Variants in MTMR1 observed in about 807,000 individuals in gnomAD.
MTMR1 encodes the protein phosphatidylinositol-3-phosphate phosphatase MTMR1.
MTMR1 carries 17 observed loss-of-function variants against 51.6 expected under a neutral mutation model. The observed-to-expected ratio is 0.33, with a 90% CI of 0.23 to 0.49. The LOEUF is 0.49. Ranked by LOEUF, MTMR1 falls within the 20% of genes least tolerant of loss-of-function variation. The pLI, the probability that MTMR1 is intolerant of heterozygous loss-of-function variation, is 0.99. For missense variants in MTMR1, 386 were observed against 526.9 expected (o/e 0.73, Z 2.62); for synonymous variants, 201 against 205.6 (o/e 0.98, Z 0.19).
chrX:150,701,172 C>T (rs900103036), intron 2 of MTMR1, among the ~76,000 whole-genome samples: 1 of 111,622 alleles, frequency 9.0e-6, no homozygotes, highest in Non-Finnish European at 1.9e-5. Context: ...AAATTTATAA[C>T]TCAGGGGTTG....
intron 2 of MTMR1, among the ~76,000 whole-genome samples, chrX:150,710,351 G>GTTGTT (rs781853519): frequency 1.2e-4 from 13 of 111,170 alleles, no homozygotes; most frequent in Admixed American, 8.6e-4. Flanking sequence ...TTCTGTTTTT[G>GTTGTT]TTGTTTTGTT....
intron 13 of MTMR1, among the ~76,000 whole-genome samples, chrX:150,745,402 T>C (rs1376976321): frequency 9.0e-6 from 1 of 111,711 alleles, no homozygotes; most frequent in Non-Finnish European, 1.9e-5. Flanking sequence ...CTGCCGGTGA[T>C]CTGCGGGGAT....
Position 150,748,672 on chromosome X carries a change from C to T in MTMR1, c.1567-2058C>T, listed in dbSNP as rs184506449. Among the ~76,000 whole-genome samples, 8 of 93,819 alleles carry T rather than the reference C, an allele frequency of 8.5e-5. No individual in the cohort carries two copies. The Admixed American group carries it at 1.1e-3, about 13-fold the overall frequency. 81.5% of individuals were successfully genotyped at this position (93,819 alleles called of 115,157 possible). A position where few individuals can be genotyped will look rare whatever the true frequency, so the allele number is the denominator to read the frequency against. On this transcript the variant is annotated intron_variant, in intron 13 of 15. Coordinates refer to ENST00000445323, the MANE Select transcript of MTMR1 (RefSeq NM_001306144.3). ...GTCTTTACAAAAAAAAAACAAAAAA[C>T]AAAAAACAAAAAAAAACTAGCTGGG...
intron 2 of MTMR1, among the ~76,000 whole-genome samples, chrX:150,703,306 G>A (rs2148557805): frequency 8.9e-6 from 1 of 112,164 alleles, no homozygotes; most frequent in South Asian, 3.7e-4. Flanking sequence ...GAAGGATAAA[G>A]GGGCTTGGAT....
chrX:150,758,999 G>A (rs904273935), intron 15 of MTMR1, among the ~76,000 whole-genome samples: 2 of 112,517 alleles, frequency 1.8e-5, no homozygotes, highest in Non-Finnish European at 3.8e-5. Context: ...ATGAGTGAGC[G>A]TGAGAGGTTG....
At chrX:150,757,845 G>C (rs1372142284) in intron 15 of MTMR1, among the ~76,000 whole-genome samples, 1 of 111,407 alleles carries the variant, frequency 9.0e-6, no homozygotes, top group African/African-American at 3.3e-5. Context: ...TGCTCACCTA[G>C]TGCTCTGGCG....
chrX:150,698,001 A>G (rs1038434923), intron 1 of MTMR1, among the ~76,000 whole-genome samples: 2 of 111,780 alleles, frequency 1.8e-5, no homozygotes, highest in African/African-American at 3.3e-5. Context: ...CATGGTTGTG[A>G]GGCTCTGATA....
At chrX:150,734,966 T>G (rs889841560) in intron 10 of MTMR1, among the ~76,000 whole-genome samples, 4 of 112,527 alleles carry the variant, frequency 3.6e-5, no homozygotes, top group Non-Finnish European at 7.5e-5. Context: ...TGAAGCCATC[T>G]TGGAGTAGGG....
At position 150,760,238 on chromosome X, in the gene MTMR1, A is replaced by T. The variant is rs2043057479; in HGVS notation, c.1858-2327A>T. 1.9e-5 allele frequency among the ~76,000 whole-genome samples: 2 copies of T among 105,941 alleles called. 1 individual carries two copies. The highest frequency in any genetic ancestry group is 2.0e-4 in the Admixed American group (2 of 9,938). 92.0% of individuals were successfully genotyped at this position (105,941 alleles called of 115,157 possible). On this transcript the variant is annotated intron_variant, in intron 15 of 15. Coordinates refer to ENST00000445323, the MANE Select transcript of MTMR1 (RefSeq NM_001306144.3). ...GGGGGAGTGCATTGAAGACAGGCAGAGATCAGTGGCTGGTGTGGGTGTCCA... is the reference window on the plus strand; with the variant it reads ...GGGGGAGTGCATTGAAGACAGGCAGTGATCAGTGGCTGGTGTGGGTGTCCA...
At chrX:150,746,523 A>G (rs990284121) in intron 13 of MTMR1, among the ~76,000 whole-genome samples, 4 of 112,777 alleles carry the variant, frequency 3.5e-5, no homozygotes, top group Non-Finnish European at 7.5e-5. Flanking sequence ...GAAAGTATGA[A>G]ACACATTTTA....
At chrX:150,751,333 T>C (rs1048713057) in intron 14 of MTMR1, 3 of 530,722 alleles carry the variant, frequency 5.7e-6, no homozygotes, top group Admixed American at 7.5e-5. Context: ...TTTCCCTCAG[T>C]GTGGGATAAA....
intron 6 of MTMR1, 50 bp downstream of exon 6, chrX:150,727,841 A>G (rs1557416839): frequency 2.2e-6 from 2 of 930,066 alleles, no homozygotes; most frequent in Admixed American, 4.7e-5. Context: ...TCAGCTCTGA[A>G]CTTTTTCTCC....
Position 150,764,083 on chromosome X carries a change from A to C in MTMR1, c.*1354A>C, listed in dbSNP as rs1422265075. On this transcript the variant is annotated 3_prime_UTR_variant, in exon 16 of 16. Transcript: ENST00000445323. ...CTGGCTGCAGGAATTCAGCCTTTAG[A>C]GGCAGAGGCAGCTGCAGCGGCCCCT... The C allele has an allele frequency of 8.9e-6, 1 of 112,751 alleles. No homozygotes were observed. Among genetic ancestry groups the C allele is most frequent in the Non-Finnish European group, 1.9e-5 (1 of 53,345 alleles). 9.3% of individuals were successfully genotyped at this position (112,751 alleles called of 1,213,427 possible). A position where few individuals can be genotyped will look rare whatever the true frequency, so the allele number is the denominator to read the frequency against.
chrX:150,722,853 T>TTTA (rs1212943097), intron 4 of MTMR1, among the ~76,000 whole-genome samples: 2 of 109,237 alleles, frequency 1.8e-5, no homozygotes, highest in East Asian at 2.8e-4. Context: ...CTTTTTTTAT[T>TTTA]TTATTATTAT....
chrX:150,739,672 A>G (rs1451001006), intron 12 of MTMR1, among the ~76,000 whole-genome samples: 1 of 112,449 alleles, frequency 8.9e-6, no homozygotes, highest in African/African-American at 3.2e-5. Flanking sequence ...CCTGGGGCTC[A>G]CTGCACCATG....
At chrX:150,734,237 T>A (rs1475190531) in intron 10 of MTMR1, among the ~76,000 whole-genome samples, 1 of 112,950 alleles carries the variant, frequency 8.9e-6, no homozygotes, top group African/African-American at 3.2e-5. Flanking sequence ...AGGTTCCACC[T>A]GAAATAATCC....
In MTMR1 at chrX:150,731,740, A is replaced by C. The variant is rs782259871; in HGVS notation, c.891+121A>C. On this transcript the variant is annotated intron_variant, in intron 9 of 15. Transcript: ENST00000445323. ...TGGAAAGCAGAAAAATAAGCTTATA[A>C]ACCTGAACATACCTTTGATTCTCAA... 23 of 568,938 alleles carry C rather than the reference A, an allele frequency of 4.0e-5. No individual in the cohort carries two copies. In the African/African-American group the frequency reaches 4.9e-4, roughly 12 times the overall value. The allele number at this position is 568,938 out of a possible 1,213,427, so 46.9% of individuals were successfully genotyped here.
At chrX:150,757,651 T>A (rs1450731989) in intron 15 of MTMR1, among the ~76,000 whole-genome samples, 2 of 111,938 alleles carry the variant, frequency 1.8e-5, no homozygotes, top group Non-Finnish European at 3.8e-5. Flanking sequence ...ATCCCCCGTG[T>A]GAATGAGCCG....
chrX:150,715,140 A>G (rs1557416356), intron 3 of MTMR1, among the ~76,000 whole-genome samples: 1 of 111,908 alleles, frequency 8.9e-6, no homozygotes, highest in Non-Finnish European at 1.9e-5. Flanking sequence ...ATTGTCCACC[A>G]TCATCCAGCC....
Sources: gnomAD v4.1 joint callset for allele counts (sites outside exome capture counted in the v4.1 genomes callset) on GRCh38, gnomAD v4.1.1 for gene constraint, MANE v1.5 for transcripts, NCBI Gene and HGNC (gene_info 2026-07-23, HGNC 2026-07-21) for gene names.